Variants in KNTC1 observed in about 807,000 individuals in gnomAD.
KNTC1 encodes the protein kinetochore associated 1.
In KNTC1, 253 loss-of-function variants were observed where a neutral mutation model predicts 314.4. The observed-to-expected ratio is 0.80, with a 90% confidence interval of 0.73 to 0.89. The LOEUF (loss-of-function observed/expected upper bound fraction) is 0.89, where lower values mean the gene tolerates loss of function less well. Ranked by LOEUF, KNTC1 falls within the 40% of genes least tolerant of loss-of-function variation. KNTC1 has a pLI of 0.00. For synonymous variants in KNTC1, 901 were observed against 901.4 expected (o/e 1.00, Z 0.01); for missense variants, 2,475 against 2,572.9 (o/e 0.96, Z 0.82).
intron 42 of KNTC1, among the ~76,000 whole-genome samples, chr12:122,592,243 G>A (rs1171178787): frequency 1.3e-5 from 2 of 152,232 alleles, no homozygotes; most frequent in African/African-American, 4.8e-5. Flanking sequence ...TTCTCGCCGG[G>A]CCTTAGCTGC....
In KNTC1 at chr12:122,572,943, T is replaced by C. The variant is rs1291560513; in HGVS notation, c.2026T>C (p.Tyr676His). ...TTTAACACTTTTGTTTTAGAAAGAT[T>C]ATCAGAACACAGAGGAAGTATGTCA... ...SSWHWISLKDYQNTEEVCQLR... is the reference protein window; with the variant it reads ...SSWHWISLKDHQNTEEVCQLR... The change falls in exon 25 of 64, where the codon TAT becomes CAT. Residue 676 changes from tyrosine to histidine, a missense_variant. Tyr to His is a moderately conservative substitution (Grantham distance 83). Coordinates refer to ENST00000333479, the MANE Select transcript of KNTC1 (RefSeq NM_014708.6). 6.3e-7 allele frequency: 1 copy of C among 1,575,476 alleles called. No homozygotes were observed. Among genetic ancestry groups the C allele is most frequent in the Non-Finnish European group, 8.7e-7 (1 of 1,154,462 alleles).
chr12:122,584,982 C>T lies in KNTC1; in HGVS notation c.3526C>T (p.Leu1176Phe). ...ATGCCAAATGGATGACTGTGGAATCCTCATGAAAGTAAGTTACTTTTGAGT... is the reference window on the plus strand; with the variant it reads ...ATGCCAAATGGATGACTGTGGAATCTTCATGAAAGTAAGTTACTTTTGAGT... The part of the protein sequence containing the change: ...RQCQMDDCGI[L>F]MKASFGTHKD... The change falls in exon 36 of 64, where the codon CTC (leucine) becomes TTC (phenylalanine). Residue 1176 changes from leucine to phenylalanine, a missense_variant. Physicochemically the swap from Leu to Phe is conservative, Grantham distance 22 (BLOSUM62 0). Coordinates refer to ENST00000333479, the MANE Select transcript of KNTC1 (RefSeq NM_014708.6). 1 of 1,583,384 alleles carries T rather than the reference C, an allele frequency of 6.3e-7. No homozygotes were observed. Among genetic ancestry groups the T allele is most frequent in the Non-Finnish European group, 8.7e-7 (1 of 1,153,078 alleles).
intron 31 of KNTC1, among the ~76,000 whole-genome samples, chr12:122,578,376 G>A (rs1405499037): frequency 2.0e-5 from 3 of 150,746 alleles, no homozygotes; most frequent in Admixed American, 2.0e-4. Flanking sequence ...CAAGTAGCTG[G>A]GATTACAGGC....
At chr12:122,548,300 C>G (rs1168053663) in intron 12 of KNTC1, among the ~76,000 whole-genome samples, 1 of 152,094 alleles carries the variant, frequency 6.6e-6, no homozygotes, top group African/African-American at 2.4e-5. Context: ...CCCCCCACCC[C>G]CTGGGTTCAA....
At chr12:122,602,542 G>C (rs374184539) in intron 45 of KNTC1, 27 bp from the exon 46 acceptor site, 1 of 1,487,846 alleles carries the variant, frequency 6.7e-7, no homozygotes, top group African/African-American at 1.4e-5. Context: ...TACTCTTACT[G>C]GACAAAAGTT....
chr12:122,556,917 CT>C (rs35101646), intron 16 of KNTC1, among the ~76,000 whole-genome samples: 199 of 88,290 alleles, frequency 2.3e-3, no homozygotes, highest in African/African-American at 6.9e-3. Context: ...AATTTTCCCT[CT>C]TTTTTTTTTT....
chr12:122,612,071 GT>G (rs537150214), intron 53 of KNTC1, among the ~76,000 whole-genome samples: 5,099 of 143,222 alleles, frequency 0.036, 291 homozygotes, highest in African/African-American at 0.12. Flanking sequence ...TTTTTTTTGT[GT>G]TTTTTTTTTT....
At chr12:122,567,692 G>C (rs1399191959) in intron 20 of KNTC1, among the ~76,000 whole-genome samples, 1 of 152,020 alleles carries the variant, frequency 6.6e-6, no homozygotes, top group Non-Finnish European at 1.5e-5. Context: ...ACAAAAATTA[G>C]CCAGGCATGG....
At chr12:122,528,469 TGGAGGC>T (rs1191151762) in intron 1 of KNTC1, among the ~76,000 whole-genome samples, 88 of 152,338 alleles carry the variant, frequency 5.8e-4, no homozygotes, top group African/African-American at 2.0e-3. Flanking sequence ...TCAAAACATT[TGGAGGC>T]TGAAGCAGAA....
chr12:122,582,591 C>CCCCTGAAT, intron 33 of KNTC1, 114 bp from the exon 34 acceptor site: 1 of 940,478 alleles, frequency 1.1e-6, no homozygotes, highest in Non-Finnish European at 1.5e-6. Context: ...CAGACATGTA[C>CCCCTGAAT]CCCTGAATCT....
chr12:122,543,653 A>G lies in KNTC1; in HGVS notation c.558+19A>G. ...AAAAAAGGTAAGAAAATAAATCCAT[A>G]TTGTCCTCTTAAAAAAATTACATTT... is the stretch of plus-strand genomic sequence containing the variant. On this transcript the variant is annotated intron_variant, in intron 7 of 63. Coordinates refer to ENST00000333479, the MANE Select transcript of KNTC1 (RefSeq NM_014708.6). 2 of 1,474,548 alleles carry G rather than the reference A, an allele frequency of 1.4e-6. No homozygotes were observed. Among genetic ancestry groups the G allele is most frequent in the South Asian group, 2.6e-5 (2 of 78,304 alleles). The allele number at this position is 1,474,548 out of a possible 1,614,324, so 91.3% of individuals were successfully genotyped here. A position where few individuals can be genotyped will look rare whatever the true frequency, so the allele number is the denominator to read the frequency against.
chr12:122,586,375 C>A lies in KNTC1; in HGVS notation c.3674-326C>A, dbSNP rs1453730594. ...GGGATTACAGGCGTGAGCCACCGCG[C>A]CCGGCCGATGTTCTATTTCTTGATC... On this transcript the variant is annotated intron_variant, in intron 37 of 63. Coordinates refer to ENST00000333479, the MANE Select transcript of KNTC1 (RefSeq NM_014708.6). Among the ~76,000 whole-genome samples, 3 of 152,138 alleles carry A rather than the reference C, an allele frequency of 2.0e-5. No homozygotes were observed. The South Asian group carries it at 6.2e-4, about 32-fold the overall frequency.
At chr12:122,572,399 A>C (rs28673405) in intron 24 of KNTC1, among the ~76,000 whole-genome samples, 250 of 150,714 alleles carry the variant, frequency 1.7e-3, no homozygotes, top group African/African-American at 5.2e-3. Context: ...TGTCCCCCCC[A>C]AAAAAAAAGA....
At position 122,534,685 on chromosome 12, in the gene KNTC1, C is replaced by T. The variant is rs1961643416; in HGVS notation, c.151C>T (p.Gln51Ter). The change falls in exon 3 of 64, where the codon CAG (glutamine) becomes TAG (stop). Residue 51 changes from glutamine to a stop codon, truncating the protein, a stop_gained. Coordinates refer to ENST00000333479, the MANE Select transcript of KNTC1 (RefSeq NM_014708.6). LOFTEE classifies it high-confidence loss of function. ...SEKASLNPKIQACSLSDGFII... is the reference protein window; with the variant it reads ...SEKASLNPKI ...ACAGGCCTCATTAAATCCAAAGATACAGGCATGCAGCTTAAGTGATGGGTT... is the reference window on the plus strand; with the variant it reads ...ACAGGCCTCATTAAATCCAAAGATATAGGCATGCAGCTTAAGTGATGGGTT... The T allele has an allele frequency of 6.2e-7, 1 of 1,609,470 alleles. No homozygotes were observed. Among genetic ancestry groups the T allele is most frequent in the Non-Finnish European group, 8.5e-7 (1 of 1,177,306 alleles).
intron 45 of KNTC1, 77 bp downstream of exon 45, chr12:122,601,702 G>A: frequency 5.5e-6 from 7 of 1,274,050 alleles, no homozygotes; most frequent in Non-Finnish European, 7.1e-6. Flanking sequence ...ATTATCCAGG[G>A]CCTTTCCAAA....
chr12:122,573,657 A>G (rs1964840493), intron 26 of KNTC1, among the ~76,000 whole-genome samples: 1 of 152,220 alleles, frequency 6.6e-6, no homozygotes. Flanking sequence ...ATATGTAAGA[A>G]GTACATTGGT....
chr12:122,602,620 G>C lies in KNTC1; in HGVS notation c.4705G>C (p.Val1569Leu), dbSNP rs371479973. 1 of 1,611,714 alleles carries C rather than the reference G, an allele frequency of 6.2e-7. No individual in the cohort carries two copies. Among genetic ancestry groups the C allele is most frequent in the Non-Finnish European group, 8.5e-7 (1 of 1,178,010 alleles). ...GTCATACAGAAGAATTTCTCCTCCC[G>C]TGGATCTAGAATATCAGTATATGTT... ...LKSYRRISPP[V>L]DLEYQYMLEH... The change falls in exon 46 of 64, where the codon GTG becomes CTG. Residue 1569 changes from valine (V) to leucine (L), a missense_variant. Coordinates refer to ENST00000333479, the MANE Select transcript of KNTC1 (RefSeq NM_014708.6).
At position 122,555,923 on chromosome 12, in the gene KNTC1, T is replaced by C. The variant is rs554522854; in HGVS notation, c.1273-1461T>C. 1.3e-4 allele frequency among the ~76,000 whole-genome samples: 20 copies of C among 152,320 alleles called. 1 individual carries two copies. In the Middle Eastern group the frequency reaches 0.01, roughly 78 times the overall value. Reference sequence around the variant, plus strand: ...GTGCAATGTGGTGATTTTATACATTTACATTGTGCAATGATTAAATCAAGC... The same window carrying C: ...GTGCAATGTGGTGATTTTATACATTCACATTGTGCAATGATTAAATCAAGC... On this transcript the variant is annotated intron_variant, in intron 16 of 63. Transcript: ENST00000333479.
At chr12:122,595,648 T>TA (rs955084862) in intron 43 of KNTC1, among the ~76,000 whole-genome samples, 1 of 152,230 alleles carries the variant, frequency 6.6e-6, no homozygotes, top group African/African-American at 2.4e-5. Flanking sequence ...AGCACTGACT[T>TA]AAAAGAGTAG....
Sources: allele counts gnomAD v4.1 joint callset (sites outside exome capture counted in the v4.1 genomes callset), GRCh38; gene constraint gnomAD v4.1.1; transcripts MANE v1.5; gene names NCBI Gene and HGNC (gene_info 2026-07-23, HGNC 2026-07-21).